The following AUTS2 variants were observed in gnomAD, a reference collection of about 807,000 sequenced individuals.
AUTS2 encodes autism susceptibility gene 2 protein.
A neutral mutation model predicts 112.4 loss-of-function variants in AUTS2; 17 were observed. The observed-to-expected ratio is 0.15, with a 90% CI of 0.10 to 0.23. The LOEUF is 0.23. Ranked by LOEUF, AUTS2 falls within the 10% of genes least tolerant of loss-of-function variation. The pLI is 1.00. For missense variants in AUTS2, 1,510 were observed against 1,701.6 expected (o/e 0.89, Z 1.98); for synonymous variants, 751 against 702.7 (o/e 1.07, Z -1.09).
At chr7:70,404,100 C>A (rs993324995) in intron 4 of AUTS2, among the ~76,000 whole-genome samples, 1 of 152,202 alleles carries the variant, frequency 6.6e-6, no homozygotes, top group Admixed American at 6.5e-5. Context: ...TGTTTTATAA[C>A]ACTGTCTAAG....
At chr7:70,022,825 C>G (rs527891625) in intron 2 of AUTS2, among the ~76,000 whole-genome samples, 3 of 152,054 alleles carry the variant, frequency 2.0e-5, no homozygotes, top group East Asian at 1.9e-4. Flanking sequence ...AGGCAACCCT[C>G]TAACTCGTGA....
intron 5 of AUTS2, among the ~76,000 whole-genome samples, chr7:70,584,248 G>T (rs1355799288): frequency 6.6e-6 from 1 of 152,176 alleles, no homozygotes; most frequent in East Asian, 1.9e-4. Flanking sequence ...GGTTTTAAAT[G>T]GCTTCAGTCT....
At chr7:69,816,875 TTCAC>T (rs1790785397) in intron 1 of AUTS2, among the ~76,000 whole-genome samples, 1 of 152,200 alleles carries the variant, frequency 6.6e-6, no homozygotes, top group African/African-American at 2.4e-5. Flanking sequence ...AAGTATGTCA[TTCAC>T]TCATTCGTTC....
intron 2 of AUTS2, among the ~76,000 whole-genome samples, chr7:69,996,963 A>AAAAAAAAAAAAC (rs1798973628): frequency 6.6e-6 from 1 of 151,062 alleles, no homozygotes; most frequent in Non-Finnish European, 1.5e-5. Flanking sequence ...AAAAAAAAAA[A>AAAAAAAAAAAAC]AGCAAACTCC....
intron 2 of AUTS2, among the ~76,000 whole-genome samples, chr7:69,949,082 C>T (rs1237849794): frequency 6.6e-6 from 1 of 152,170 alleles, no homozygotes; most frequent in African/African-American, 2.4e-5. Flanking sequence ...GCTAGAATTA[C>T]AGACATGAGC....
At chr7:70,630,517 A>G (rs1006073705) in intron 5 of AUTS2, among the ~76,000 whole-genome samples, 1 of 152,138 alleles carries the variant, frequency 6.6e-6, no homozygotes, top group African/African-American at 2.4e-5. Flanking sequence ...GGACACCCTT[A>G]GTGAACTTGC....
At chr7:70,765,991 G>A (rs554994500) in intron 8 of AUTS2, 123 bp from the exon 9 acceptor site, 3 of 1,467,054 alleles carry the variant, frequency 2.0e-6, no homozygotes, top group African/African-American at 1.4e-5. Context: ...TTATCTCAGG[G>A]CCCAGCCACA....
chr7:70,191,647 C>T (rs906250243), intron 4 of AUTS2, among the ~76,000 whole-genome samples: 1 of 152,138 alleles, frequency 6.6e-6, no homozygotes, highest in South Asian at 2.1e-4. Context: ...AGATGATTAA[C>T]AGATTTGTTC....
intron 6 of AUTS2, among the ~76,000 whole-genome samples, chr7:70,706,710 TTTATCTGGATTAAC>T (rs1252377678): frequency 2.6e-5 from 4 of 152,334 alleles, no homozygotes; most frequent in Admixed American, 2.0e-4. Context: ...TTTTTTATTG[TTTATCTGGATTAAC>T]TTATTGCTGG....
intron 2 of AUTS2, among the ~76,000 whole-genome samples, chr7:69,993,971 A>G (rs1354506562): frequency 2.6e-5 from 4 of 152,174 alleles, no homozygotes; most frequent in African/African-American, 7.2e-5. Context: ...GTGTAGAGAG[A>G]AATCATAAAG....
chr7:70,539,715 G>A (rs1003452078), intron 5 of AUTS2, among the ~76,000 whole-genome samples: 4 of 152,004 alleles, frequency 2.6e-5, no homozygotes, highest in South Asian at 2.1e-4. Flanking sequence ...ACTGCGAATC[G>A]CGAGGCTCCA....
At chr7:70,415,825 G>A (rs954525885) in intron 4 of AUTS2, among the ~76,000 whole-genome samples, 1 of 152,148 alleles carries the variant, frequency 6.6e-6, no homozygotes, top group Non-Finnish European at 1.5e-5. Context: ...AGGCTCTTGG[G>A]GCATTTGTGT....
intron 2 of AUTS2, among the ~76,000 whole-genome samples, chr7:69,932,199 C>T (rs1157931929): frequency 6.6e-6 from 1 of 152,150 alleles, no homozygotes; most frequent in African/African-American, 2.4e-5. Flanking sequence ...GCTTGCTTTG[C>T]ATGGTTCTGG....
chr7:69,993,851 G>A (rs1429056472), intron 2 of AUTS2, among the ~76,000 whole-genome samples: 2 of 152,094 alleles, frequency 1.3e-5, no homozygotes, highest in Non-Finnish European at 1.5e-5. Context: ...CTATTTGAAA[G>A]TCTAATGCAG....
chr7:70,355,119 T>C (rs1791946146), intron 4 of AUTS2, among the ~76,000 whole-genome samples: 1 of 151,896 alleles, frequency 6.6e-6, no homozygotes, highest in South Asian at 2.1e-4. Context: ...TGTGTGTGTG[T>C]GTGTGTATAT....
chr7:69,663,442 A>G (rs1173858854), intron 1 of AUTS2, among the ~76,000 whole-genome samples: 1 of 152,216 alleles, frequency 6.6e-6, no homozygotes, highest in East Asian at 1.9e-4. Context: ...ATGTGAAGGT[A>G]CCAGCTAATA....
chr7:70,733,975 A>C (rs1481853956), intron 6 of AUTS2, among the ~76,000 whole-genome samples: 1 of 151,928 alleles, frequency 6.6e-6, no homozygotes, highest in African/African-American at 2.4e-5. Context: ...TTTGGATGGA[A>C]GGCACCCTAC....
intron 13 of AUTS2, among the ~76,000 whole-genome samples, chr7:70,776,020 A>C (rs142186657): frequency 2.3e-4 from 35 of 152,312 alleles, no homozygotes; most frequent in African/African-American, 8.4e-4. Flanking sequence ...TAGGGCACAT[A>C]ATCAGATAAT....
At chr7:69,710,741 A>G (rs1359885486) in intron 1 of AUTS2, among the ~76,000 whole-genome samples, 1 of 152,224 alleles carries the variant, frequency 6.6e-6, no homozygotes, top group Non-Finnish European at 1.5e-5. Flanking sequence ...AATCTGTTAA[A>G]CTAACACCTC....
Sources: allele counts gnomAD v4.1 joint callset (sites outside exome capture counted in the v4.1 genomes callset), GRCh38; gene constraint gnomAD v4.1.1; transcripts MANE v1.5; gene names NCBI Gene and HGNC (gene_info 2026-07-23, HGNC 2026-07-21).